Variants in AK5 observed in about 807,000 individuals in gnomAD.
AK5 encodes adenylate kinase isoenzyme 5.
In AK5, 27 loss-of-function variants were observed where a neutral mutation model predicts 69.5. The ratio of observed to expected loss-of-function variants is 0.39; its 90% CI spans 0.29 to 0.54. AK5 has a LOEUF of 0.54. Among genes scored for constraint, AK5 ranks in the 20% least tolerant of loss-of-function variants. AK5 has a pLI of 0.71. For synonymous variants in AK5, 260 were observed against 244.4 expected, an observed-to-expected ratio of 1.06 and a Z score of -0.60; for missense variants, 531 against 700.4, an observed-to-expected ratio of 0.76 and a Z score of 2.73.
chr1:77,360,377 G>A (rs1348742903), intron 6 of AK5, among the ~76,000 whole-genome samples: 1 of 152,140 alleles, frequency 6.6e-6, no homozygotes, highest in Non-Finnish European at 1.5e-5. Context: ...AGCAAGATGA[G>A]GACAGTAAAA....
chr1:77,531,445 A>C (rs1039158772), intron 12 of AK5, among the ~76,000 whole-genome samples: 6 of 152,238 alleles, frequency 3.9e-5, no homozygotes, highest in Admixed American at 2.6e-4. Flanking sequence ...TGAGCTAGAC[A>C]CAAGTTTTCC....
chr1:77,419,364 C>G (rs1366839938), intron 8 of AK5, among the ~76,000 whole-genome samples: 1 of 151,788 alleles, frequency 6.6e-6, no homozygotes, highest in Non-Finnish European at 1.5e-5. Context: ...AGGAAGCCAG[C>G]TAGTTAAAGA....
At chr1:77,285,122 A>G (rs1003880209) in intron 1 of AK5, among the ~76,000 whole-genome samples, 3 of 152,194 alleles carry the variant, frequency 2.0e-5, no homozygotes, top group Non-Finnish European at 4.4e-5. Context: ...GCCATCACTA[A>G]TATCTCTGAG....
chr1:77,322,677 C>G (rs1276176750), intron 5 of AK5, among the ~76,000 whole-genome samples: 1 of 152,122 alleles, frequency 6.6e-6, no homozygotes, highest in African/African-American at 2.4e-5. Context: ...CTGGAATTCA[C>G]ACATCTAGTT....
intron 6 of AK5, among the ~76,000 whole-genome samples, chr1:77,402,507 C>T (rs1203268345): frequency 2.1e-5 from 3 of 145,620 alleles, no homozygotes; most frequent in Non-Finnish European, 4.5e-5. Context: ...CATGTGTTCT[C>T]ATTGTTCAAT....
At chr1:77,324,458 T>C (rs1660693172) in intron 5 of AK5, among the ~76,000 whole-genome samples, 1 of 152,106 alleles carries the variant, frequency 6.6e-6, no homozygotes, top group Admixed American at 6.6e-5. Flanking sequence ...GATTTCATCT[T>C]GTGTACCACA....
chr1:77,423,022 T>C (rs1247264689), intron 8 of AK5, among the ~76,000 whole-genome samples: 1 of 152,058 alleles, frequency 6.6e-6, no homozygotes, highest in African/African-American at 2.4e-5. Flanking sequence ...GAGACCATCC[T>C]GGCTAACATG....
intron 8 of AK5, among the ~76,000 whole-genome samples, chr1:77,472,362 A>G (rs1015125251): frequency 6.6e-6 from 1 of 152,150 alleles, no homozygotes; most frequent in Non-Finnish European, 1.5e-5. Context: ...AACCACTTGT[A>G]AAACCAGAAT....
intron 5 of AK5, among the ~76,000 whole-genome samples, chr1:77,334,117 G>A (rs1661227391): frequency 1.3e-5 from 2 of 151,974 alleles, no homozygotes; most frequent in Non-Finnish European, 2.9e-5. Flanking sequence ...ACTCTTTGAT[G>A]TTTTAATTAC....
At chr1:77,329,467 C>T (rs1660978782) in intron 5 of AK5, among the ~76,000 whole-genome samples, 1 of 152,032 alleles carries the variant, frequency 6.6e-6, no homozygotes, top group South Asian at 2.1e-4. Flanking sequence ...TTCTGTGTTG[C>T]CCAGGCTGGT....
intron 13 of AK5, among the ~76,000 whole-genome samples, chr1:77,555,778 T>C (rs1660067056): frequency 6.6e-6 from 1 of 152,258 alleles, no homozygotes; most frequent in South Asian, 2.1e-4. Flanking sequence ...CAGTGTAAAT[T>C]CCTGTTGAAT....
At chr1:77,456,049 C>T (rs1653463347) in intron 8 of AK5, among the ~76,000 whole-genome samples, 1 of 152,060 alleles carries the variant, frequency 6.6e-6, no homozygotes, top group African/African-American at 2.4e-5. Flanking sequence ...GAGAAGAGTA[C>T]CTGAAGTGCC....
chr1:77,464,023 A>G (rs1048495674), intron 8 of AK5, among the ~76,000 whole-genome samples: 1 of 152,250 alleles, frequency 6.6e-6, no homozygotes, highest in African/African-American at 2.4e-5. Context: ...TCAAGGCACT[A>G]TGAAAGATGA....
At chr1:77,475,195 A>ATATATATATG (rs1182380859) in intron 8 of AK5, among the ~76,000 whole-genome samples, 98 of 29,096 alleles carry the variant, frequency 3.4e-3, no homozygotes, top group East Asian at 0.016. Flanking sequence ...ATATATATAT[A>ATATATATATG]TGTGTGTGTG....
chr1:77,426,428 C>T (rs995486802), intron 8 of AK5, among the ~76,000 whole-genome samples: 4 of 152,122 alleles, frequency 2.6e-5, no homozygotes, highest in Non-Finnish European at 4.4e-5. Flanking sequence ...TCCAAGAGGA[C>T]ATAATAATTC....
chr1:77,299,823 A>G (rs1431211345), intron 5 of AK5, among the ~76,000 whole-genome samples: 2 of 151,270 alleles, frequency 1.3e-5, no homozygotes, highest in Non-Finnish European at 3.0e-5. Flanking sequence ...TGGTAGGTAC[A>G]AGCAGATGAA....
intron 11 of AK5, 41 bp downstream of exon 11, chr1:77,518,768 C>A: frequency 1.3e-6 from 2 of 1,592,002 alleles, no homozygotes; most frequent in Admixed American, 1.8e-5. Flanking sequence ...CCTTTCCTGT[C>A]TGGGGAGACC....
chr1:77,349,622 A>G (rs1428231545), intron 6 of AK5: 5 of 152,366 alleles, frequency 3.3e-5, no homozygotes, highest in South Asian at 2.1e-4. Context: ...AATTAATTAT[A>G]TTGGTACATT....
intron 10 of AK5, among the ~76,000 whole-genome samples, chr1:77,489,829 C>T (rs1414677452): frequency 2.0e-5 from 3 of 152,160 alleles, no homozygotes; most frequent in African/African-American, 7.2e-5. Flanking sequence ...TCCCATTTCC[C>T]GCCACACTCC....
Sources: gnomAD v4.1 joint callset for allele counts (sites outside exome capture counted in the v4.1 genomes callset) on GRCh38, gnomAD v4.1.1 for gene constraint, MANE v1.5 for transcripts, NCBI Gene and HGNC (gene_info 2026-07-23, HGNC 2026-07-21) for gene names.